ZFHX4: variants seen among roughly 807,000 people sequenced by gnomAD.
ZFHX4 encodes zinc finger homeobox 4, also known as zinc finger homeobox protein 4.
In ZFHX4, 56 loss-of-function variants were observed where a neutral mutation model predicts 267.6. That is an observed-to-expected ratio of 0.21 (90% CI 0.17 to 0.26). The LOEUF (loss-of-function observed/expected upper bound fraction) is 0.26, where lower values mean the gene tolerates loss of function less well. Among genes scored for constraint, ZFHX4 ranks in the 10% least tolerant of loss-of-function variants. ZFHX4 has a pLI of 1.00. For missense variants in ZFHX4, 4,332 were observed against 4,420.0 expected (o/e 0.98, Z 0.56); for synonymous variants, 1,778 against 1,665.6 (o/e 1.07, Z -1.64).
chr8:76,701,303 A>G (rs1412439079), intron 1 of ZFHX4, among the ~76,000 whole-genome samples: 3 of 152,164 alleles, frequency 2.0e-5, no homozygotes, highest in Non-Finnish European at 2.9e-5. Flanking sequence ...TTGATTGTAT[A>G]GAAGACAGGT....
intron 3 of ZFHX4, among the ~76,000 whole-genome samples, chr8:76,776,171 C>T (rs984289197): frequency 2.0e-5 from 3 of 151,788 alleles, no homozygotes; most frequent in South Asian, 4.2e-4. Flanking sequence ...TAAAGAAAAT[C>T]GGGTGGTGAT....
intron 3 of ZFHX4, among the ~76,000 whole-genome samples, chr8:76,713,593 C>T (rs1318680158): frequency 1.3e-5 from 2 of 152,106 alleles, no homozygotes; most frequent in East Asian, 3.9e-4. Flanking sequence ...ACTGTTTTAC[C>T]CCACCTAGGT....
Position 76,854,719 on chromosome 8 carries a change from G to A in ZFHX4, c.7798G>A (p.Glu2600Lys), listed in dbSNP as rs756270586. 1.2e-6 allele frequency: 2 copies of A among 1,613,354 alleles called. No individual in the cohort carries two copies. The highest frequency in any genetic ancestry group is 1.7e-5 in the Admixed American group (1 of 59,968). Residue 2600 changes from glutamate to lysine, a missense_variant, in exon 10 of 11, where the codon GAA becomes AAA. Coordinates refer to ENST00000651372, the MANE Select transcript of ZFHX4 (RefSeq NM_024721.5). ...TGAAAAAGAAGGAGGGAATAGCGGT[G>A]AAGACCAACACCGAGATAAACGCTT... ...CSEKEGGNSG[E>K]DQHRDKRLRT...
Position 76,866,291 on chromosome 8 carries a change from C to T in ZFHX4, c.*1726C>T, listed in dbSNP as rs1477432972. 1 of 152,532 alleles carries T rather than the reference C, an allele frequency of 6.6e-6. No homozygotes were observed. Among genetic ancestry groups the T allele is most frequent in the Non-Finnish European group, 1.5e-5 (1 of 68,012 alleles). 9.4% of individuals were successfully genotyped at this position (152,532 alleles called of 1,614,324 possible). On this transcript the variant is annotated 3_prime_UTR_variant, in exon 11 of 11. Transcript: ENST00000651372. ...CGAGATGAACAAGTAGCATGTAATG[C>T]AACTGTTTGACAGTTTAACTCAAGT...
intron 3 of ZFHX4, among the ~76,000 whole-genome samples, chr8:76,721,572 C>T (rs1383980819): frequency 6.6e-6 from 1 of 152,172 alleles, no homozygotes. Context: ...CTGTTCACAG[C>T]TTTCCTGAAT....
chr8:76,828,334 G>A (rs1413610159), intron 4 of ZFHX4, among the ~76,000 whole-genome samples: 1 of 152,100 alleles, frequency 6.6e-6, no homozygotes, highest in Admixed American at 6.5e-5. Context: ...CCTGAGGGAT[G>A]CCTAGAGGCA....
chr8:76,811,065 T>C (rs1007719525), intron 4 of ZFHX4, among the ~76,000 whole-genome samples: 1 of 152,132 alleles, frequency 6.6e-6, no homozygotes, highest in African/African-American at 2.4e-5. Context: ...ATAATTTACA[T>C]TGAATGCAAC....
At chr8:76,834,181 A>C (rs1194748282) in intron 5 of ZFHX4, 2 of 443,358 alleles carry the variant, frequency 4.5e-6, no homozygotes, top group African/African-American at 2.0e-5. Flanking sequence ...ATTACGAATA[A>C]AACTACTATG....
chr8:76,835,169 A>G (rs1316221955), intron 5 of ZFHX4, among the ~76,000 whole-genome samples: 1 of 144,476 alleles, frequency 6.9e-6, no homozygotes, highest in Non-Finnish European at 1.5e-5. Flanking sequence ...TGGATTTTGT[A>G]TAGTTATGTC....
At position 76,863,899 on chromosome 8, in the gene ZFHX4, T is replaced by C. The variant is rs1466381819; in HGVS notation, c.10185T>C (p.Val3395=). 2 of 1,577,724 alleles carry C rather than the reference T, an allele frequency of 1.3e-6. No individual in the cohort carries two copies. The highest frequency in any genetic ancestry group is 1.3e-5 in the African/African-American group (1 of 74,230). Residue 3395 remains valine, a synonymous_variant, in exon 11 of 11, where the codon GTT becomes GTC. Transcript: ENST00000651372. ...GTGCAGACTTTTCAGACACTTACGT[T>C]GTTCCATTCGTCAAGTATGAGTTTA... ...SKSADFSDTY[V]VPFVKYEFIC...
chr8:76,698,884 C>G (rs1273983313), intron 1 of ZFHX4, among the ~76,000 whole-genome samples: 4 of 152,142 alleles, frequency 2.6e-5, no homozygotes, highest in Non-Finnish European at 4.4e-5. Context: ...GAGGTCGTCA[C>G]ACATTCTTTT....
chr8:76,814,808 G>A (rs1176992165), intron 4 of ZFHX4, among the ~76,000 whole-genome samples: 1 of 152,014 alleles, frequency 6.6e-6, no homozygotes, highest in African/African-American at 2.4e-5. Flanking sequence ...TAGGTCCATT[G>A]TCTTTTTGAA....
chr8:76,823,602 G>A (rs569901452), intron 4 of ZFHX4, among the ~76,000 whole-genome samples: 38 of 152,212 alleles, frequency 2.5e-4, no homozygotes, highest in African/African-American at 8.4e-4. Flanking sequence ...GATCTCATAA[G>A]TATAATTTGG....
intron 1 of ZFHX4, among the ~76,000 whole-genome samples, chr8:76,684,814 T>C (rs1350439689): frequency 6.6e-6 from 1 of 152,226 alleles, no homozygotes; most frequent in East Asian, 1.9e-4. Flanking sequence ...GTTGGATTAT[T>C]TTAAAAGATT....
Position 76,851,113 on chromosome 8 carries a change from C to T in ZFHX4, c.4192C>T (p.Arg1398Cys), listed in dbSNP as rs766242076. The T allele has an allele frequency of 5.0e-6, 8 of 1,613,990 alleles. No individual in the cohort carries two copies. The highest frequency in any genetic ancestry group is 2.2e-5 in the East Asian group (1 of 44,860). The change falls in exon 10 of 11, where the codon CGC becomes TGC. Residue 1398 changes from arginine to cysteine, a missense_variant. Transcript: ENST00000651372. ...SVSDRHVYKY[R>C]CNHCSLAFKT... ...TTCTGACCGTCATGTCTACAAGTATCGCTGTAACCATTGTAGCTTGGCTTT... is the reference window on the plus strand; with the variant it reads ...TTCTGACCGTCATGTCTACAAGTATTGCTGTAACCATTGTAGCTTGGCTTT...
At chr8:76,844,849 C>G (rs2131922071) in intron 6 of ZFHX4, among the ~76,000 whole-genome samples, 1 of 152,218 alleles carries the variant, frequency 6.6e-6, no homozygotes, top group South Asian at 2.1e-4. Flanking sequence ...TGATTGACAA[C>G]TAACATGAAC....
At chr8:76,738,449 C>G (rs915916572) in intron 3 of ZFHX4, among the ~76,000 whole-genome samples, 1 of 152,164 alleles carries the variant, frequency 6.6e-6, no homozygotes, top group Non-Finnish European at 1.5e-5. Flanking sequence ...TCTCCATAGT[C>G]TTTGTAACTA....
intron 3 of ZFHX4, among the ~76,000 whole-genome samples, chr8:76,713,021 A>G (rs1300321014): frequency 6.6e-6 from 1 of 152,210 alleles, no homozygotes; most frequent in Admixed American, 6.5e-5. Context: ...GCTAATAGCA[A>G]CTAATAAATC....
intron 1 of ZFHX4, among the ~76,000 whole-genome samples, chr8:76,690,894 G>C (rs1346266418): frequency 6.6e-6 from 1 of 152,012 alleles, no homozygotes; most frequent in African/African-American, 2.4e-5. Context: ...AGAGCAACTA[G>C]GATGGTAAGG....
Sources: gnomAD v4.1 joint callset for allele counts (sites outside exome capture counted in the v4.1 genomes callset) on GRCh38, gnomAD v4.1.1 for gene constraint, MANE v1.5 for transcripts, NCBI Gene and HGNC (gene_info 2026-07-23, HGNC 2026-07-21) for gene names.